CAPS2: variants seen among roughly 807,000 people sequenced by gnomAD.
CAPS2 encodes the protein calcyphosin-2.
Under a neutral mutation model 86.5 loss-of-function variants are expected in CAPS2, and 98 were observed. The observed-to-expected ratio is 1.13, with a 90% CI of 0.96 to 1.34. The LOEUF is 1.34. CAPS2 is among the 40% of genes most tolerant of loss of function. The pLI is 0.00. For synonymous variants in CAPS2, 210 were observed against 225.1 expected, an observed-to-expected ratio of 0.93 and a Z score of 0.60; for missense variants, 729 against 686.8, an observed-to-expected ratio of 1.06 and a Z score of -0.69.
At chr12:75,295,479 C>T (rs1457557439) in intron 11 of CAPS2, among the ~76,000 whole-genome samples, 3 of 152,194 alleles carry the variant, frequency 2.0e-5, no homozygotes, top group Non-Finnish European at 2.9e-5. Flanking sequence ...ACGATGTTCG[C>T]TTTGTCTTCA....
At chr12:75,343,770 T>A in intron 1 of CAPS2, 1 of 1,613,100 alleles carries the variant, frequency 6.2e-7, no homozygotes, top group Non-Finnish European at 8.5e-7. Flanking sequence ...ACTGTTTGGA[T>A]AAATCATATA....
chr12:75,310,576 A>G (rs1052296503), intron 7 of CAPS2, among the ~76,000 whole-genome samples: 3 of 152,096 alleles, frequency 2.0e-5, no homozygotes, highest in Admixed American at 2.0e-4. Flanking sequence ...AGACTGTGTT[A>G]TTGGCCTGAA....
At chr12:75,308,650 TATGAGGCAGGAAAATAGGGGAA>T (rs1296662921) in intron 7 of CAPS2, among the ~76,000 whole-genome samples, 1 of 151,908 alleles carries the variant, frequency 6.6e-6, no homozygotes, top group African/African-American at 2.4e-5. Context: ...CTCATATCCT[TATGAGGCAGGAAAATAGGGGAA>T]ATGAGGCAGG....
chr12:75,309,083 G>A (rs537805795), intron 7 of CAPS2, among the ~76,000 whole-genome samples: 6 of 152,216 alleles, frequency 3.9e-5, no homozygotes, highest in African/African-American at 1.4e-4. Context: ...TATCACGCAT[G>A]TACTTAGAAT....
intron 8 of CAPS2, among the ~76,000 whole-genome samples, chr12:75,304,207 G>C (rs1341810448): frequency 6.6e-6 from 1 of 152,068 alleles, no homozygotes; most frequent in African/African-American, 2.4e-5. Flanking sequence ...AGATAAGAAA[G>C]TACTAAGAAT....
At chr12:75,325,692 G>A (rs912378932) in intron 1 of CAPS2, among the ~76,000 whole-genome samples, 6 of 151,864 alleles carry the variant, frequency 4.0e-5, no homozygotes, top group Non-Finnish European at 5.9e-5. Flanking sequence ...AGATGAGGAG[G>A]AGTTAGCTAG....
intron 7 of CAPS2, among the ~76,000 whole-genome samples, chr12:75,307,907 G>A (rs1464225971): frequency 6.6e-6 from 1 of 152,106 alleles, no homozygotes; most frequent in Admixed American, 6.5e-5. Flanking sequence ...CTGGAGGCAG[G>A]AAACCTAAGG....
chr12:75,385,295 A>G (rs2045231764), intron 1 of CAPS2, among the ~76,000 whole-genome samples: 1 of 152,206 alleles, frequency 6.6e-6, no homozygotes, highest in Non-Finnish European at 1.5e-5. Flanking sequence ...AGCCTGGTTC[A>G]ATTTGCAAAT....
intron 14 of CAPS2, among the ~76,000 whole-genome samples, chr12:75,288,673 T>A (rs1478649378): frequency 6.6e-6 from 1 of 152,244 alleles, no homozygotes; most frequent in East Asian, 1.9e-4. Context: ...GACTTTAATG[T>A]ACCAGACATT....
intron 1 of CAPS2, among the ~76,000 whole-genome samples, chr12:75,354,200 T>C (rs979866759): frequency 8.0e-5 from 12 of 150,600 alleles, no homozygotes; most frequent in African/African-American, 3.0e-4. Flanking sequence ...AAAGAGGAAG[T>C]CAAATTGTCT....
chr12:75,277,701 C>G, exon 17 of CAPS2: 3 of 896,340 alleles, frequency 3.3e-6, no homozygotes, highest in Non-Finnish European at 4.0e-6. Context: ...TAGATGGATA[C>G]AGTGATATGT....
chr12:75,332,865 A>G (rs989397500), upstream of CAPS2, among the ~76,000 whole-genome samples: 47 of 152,206 alleles, frequency 3.1e-4, no homozygotes, highest in African/African-American at 1.1e-3. Context: ...AAAATAAAAC[A>G]GGTTAAATGG....
chr12:75,331,064 C>T (rs1169291006), upstream of CAPS2, among the ~76,000 whole-genome samples: 1 of 152,148 alleles, frequency 6.6e-6, no homozygotes, highest in Non-Finnish European at 1.5e-5. Flanking sequence ...GATTTACAGG[C>T]ATGAGCCACC....
At chr12:75,317,741 T>C (rs1429290710) in intron 5 of CAPS2, among the ~76,000 whole-genome samples, 5 of 152,166 alleles carry the variant, frequency 3.3e-5, no homozygotes, top group South Asian at 2.1e-4. Context: ...GATATACATA[T>C]AGATTATGTA....
At chr12:75,336,676 G>A (rs1234639190) in intron 1 of CAPS2, among the ~76,000 whole-genome samples, 2 of 151,674 alleles carry the variant, frequency 1.3e-5, no homozygotes, top group African/African-American at 4.8e-5. Context: ...AGTAAAGGGA[G>A]AAAGAGACAA....
intron 1 of CAPS2, chr12:75,363,144 T>C: frequency 6.4e-7 from 1 of 1,557,228 alleles, no homozygotes; most frequent in Non-Finnish European, 8.6e-7. Context: ...GAGGAGAATC[T>C]TGCTCTCTCT....
At chr12:75,317,667 T>A (rs896594819) in intron 5 of CAPS2, among the ~76,000 whole-genome samples, 2 of 152,180 alleles carry the variant, frequency 1.3e-5, no homozygotes, top group African/African-American at 2.4e-5. Context: ...ATTGTTTTTT[T>A]ATGTTAAAAT....
exon 10 of CAPS2, chr12:75,298,933 C>T: frequency 6.2e-7 from 1 of 1,608,192 alleles, no homozygotes; most frequent in South Asian, 1.1e-5. Context: ...TGAAAAAGAA[C>T]CCAATGAGCT....
chr12:75,336,411 G>A (rs1157852000), intron 1 of CAPS2, among the ~76,000 whole-genome samples: 1 of 151,682 alleles, frequency 6.6e-6, no homozygotes, highest in African/African-American at 2.4e-5. Context: ...TATCAGATTG[G>A]ATTAATGCTT....
Sources: allele counts gnomAD v4.1 joint callset (sites outside exome capture counted in the v4.1 genomes callset), GRCh38; gene constraint gnomAD v4.1.1; transcripts MANE v1.5; gene names NCBI Gene and HGNC (gene_info 2026-07-23, HGNC 2026-07-21).